Variants in RAB11FIP3 observed in about 807,000 individuals in gnomAD.
The protein encoded by RAB11FIP3 is RAB11 family interacting protein 3, also known as rab11 family-interacting protein 3.
RAB11FIP3 carries 17 observed loss-of-function variants against 77.8 expected under a neutral mutation model. That is an observed-to-expected ratio of 0.22 (90% confidence interval 0.15 to 0.33). The LOEUF is 0.33. Among genes scored for constraint, RAB11FIP3 ranks in the 10% least tolerant of loss-of-function variants. The probability of loss-of-function intolerance (pLI) is 1.00; values close to 1 mark genes in which losing one functional copy is unlikely to be tolerated. For synonymous variants in RAB11FIP3, 437 were observed against 448.2 expected (o/e 0.98, Z 0.31); for missense variants, 1,005 against 1,011.2 (o/e 0.99, Z 0.08).
At chr16:434,564 C>G (rs2055096549) in intron 1 of RAB11FIP3, among the ~76,000 whole-genome samples, 1 of 152,150 alleles carries the variant, frequency 6.6e-6, no homozygotes, top group East Asian at 1.9e-4. Flanking sequence ...GTAGCTGGGA[C>G]TACAGGTACG....
intron 5 of RAB11FIP3, 126 bp from the exon 6 acceptor site, chr16:496,698 C>T (rs2031165488): frequency 3.3e-6 from 3 of 898,442 alleles, no homozygotes; most frequent in Non-Finnish European, 1.8e-6. Context: ...CCTGGGGGGC[C>T]CTGCATGCCG....
intron 3 of RAB11FIP3, among the ~76,000 whole-genome samples, chr16:478,992 A>G (rs2055979189): frequency 6.6e-6 from 1 of 152,134 alleles, no homozygotes; most frequent in Non-Finnish European, 1.5e-5. Context: ...AGAAAAAGAA[A>G]AAAAAAGTTC....
Position 480,288 on chromosome 16 carries a change from A to AAAAAAAG in RAB11FIP3, c.904-2231_904-2230insGAAAAAA, listed in dbSNP as rs1365231254. Among the ~76,000 whole-genome samples, 1,181 of 140,426 alleles carry AAAAAAAG rather than the reference A, an allele frequency of 8.4e-3. 45 individuals are homozygous for AAAAAAAG. Among genetic ancestry groups the AAAAAAAG allele is most frequent in the African/African-American group, 0.034 (1,143 of 33,556 alleles). 92.1% of individuals were successfully genotyped at this position (140,426 alleles called of 152,430 possible). On this transcript the variant is annotated intron_variant, in intron 3 of 13. Transcript: ENST00000262305. ...CAGGAAGAGTAAAACTCCTTCTCCA[A>AAAAAAAG]AAAAAAAAAAAAAAAAAAGTTGAAT...
At chr16:477,603 C>G (rs1222476105) in intron 3 of RAB11FIP3, 1 of 985,370 alleles carries the variant, frequency 1.0e-6, no homozygotes, top group Non-Finnish European at 1.2e-6. Flanking sequence ...CAGCCCTGTC[C>G]TGAGTGGGCC....
chr16:511,350 C>T (rs1355855233), intron 9 of RAB11FIP3, among the ~76,000 whole-genome samples: 1 of 115,644 alleles, frequency 8.6e-6, no homozygotes, highest in South Asian at 3.2e-4. Context: ...AGGTTCCTGA[C>T]GGCCCGCCCA....
rs1404509211 is a variant in RAB11FIP3, at chr16:448,604, C to T, written c.715-12800C>T. Among the ~76,000 whole-genome samples the T allele has an allele frequency of 3.3e-5, 5 of 151,836 alleles. No individual in the cohort carries two copies. In the East Asian group the frequency reaches 5.9e-4, roughly 18 times the overall value. ...ACAAAATATTAGCCGGGCATGGTGGCGGGCGCCTGTAGTCCCAGCTACTCG... is the reference window on the plus strand; with the variant it reads ...ACAAAATATTAGCCGGGCATGGTGGTGGGCGCCTGTAGTCCCAGCTACTCG... On this transcript the variant is annotated intron_variant, in intron 1 of 13. Coordinates refer to ENST00000262305, the MANE Select transcript of RAB11FIP3 (RefSeq NM_014700.4).
At position 437,570 on chromosome 16, in the gene RAB11FIP3, C is replaced by CAAAAAAAAAAAAAAAAAAAAAAAAAAAA; in HGVS notation, c.714+10872_714+10873insAAAAAAAAAAAAAAAAAAAAAAAAAAAA. 3.4e-5 allele frequency among the ~76,000 whole-genome samples: 2 copies of CAAAAAAAAAAAAAAAAAAAAAAAAAAAA among 58,984 alleles called. 1 individual carries two copies. The allele number at this position is 58,984 out of a possible 152,430, so 38.7% of individuals were successfully genotyped here. A position where few individuals can be genotyped will look rare whatever the true frequency, so the allele number is the denominator to read the frequency against. The stretch of plus-strand genomic sequence containing the variant: ...GGACAACAAGGGTGAAACTCCATCT[C>CAAAAAAAAAAAAAAAAAAAAAAAAAAAA]AAAAAAAAAAAAAAAAAAAAAAGTC... On this transcript the variant is annotated intron_variant, in intron 1 of 13. Coordinates refer to ENST00000262305, the MANE Select transcript of RAB11FIP3 (RefSeq NM_014700.4).
At chr16:435,343 C>T (rs2055111229) in intron 1 of RAB11FIP3, among the ~76,000 whole-genome samples, 1 of 152,082 alleles carries the variant, frequency 6.6e-6, no homozygotes, top group South Asian at 2.1e-4. Context: ...CTTCCAAGCA[C>T]TTATTTTGTT....
At chr16:502,136 T>C (rs1049062131) in intron 6 of RAB11FIP3, among the ~76,000 whole-genome samples, 1 of 152,278 alleles carries the variant, frequency 6.6e-6, no homozygotes, top group Non-Finnish European at 1.5e-5. Context: ...ACCTTTGCTG[T>C]TGGCTCTTCT....
At chr16:427,191 C>T (rs951150815) in intron 1 of RAB11FIP3, among the ~76,000 whole-genome samples, 1 of 152,238 alleles carries the variant, frequency 6.6e-6, no homozygotes, top group African/African-American at 2.4e-5. Flanking sequence ...CTGATAGACA[C>T]CTATTTTGAG....
At chr16:504,973 C>A (rs2031795318) in intron 7 of RAB11FIP3, among the ~76,000 whole-genome samples, 1 of 134,874 alleles carries the variant, frequency 7.4e-6, no homozygotes, top group Admixed American at 7.7e-5. Flanking sequence ...CTGTACTTCA[C>A]CTCCTCTTGC....
intron 1 of RAB11FIP3, among the ~76,000 whole-genome samples, chr16:427,450 G>A (rs2054967704): frequency 1.3e-5 from 2 of 152,218 alleles, no homozygotes; most frequent in South Asian, 4.1e-4. Flanking sequence ...GTACAGTGTG[G>A]AAGGGGTCCA....
chr16:497,592 G>GAGAACGCCCGGCA, intron 6 of RAB11FIP3: 1 of 685,594 alleles, frequency 1.5e-6, no homozygotes, highest in Non-Finnish European at 2.0e-6. Flanking sequence ...GTTGTGCCGG[G>GAGAACGCCCGGCA]CGTTCTCCAG....
At chr16:492,751 GAAGA>G (rs2141814152) in intron 5 of RAB11FIP3, among the ~76,000 whole-genome samples, 1 of 152,276 alleles carries the variant, frequency 6.6e-6, no homozygotes, top group East Asian at 1.9e-4. Context: ...AAGTAAGCCT[GAAGA>G]CTCAGGTCTC....
intron 6 of RAB11FIP3, 94 bp downstream of exon 6, chr16:496,953 G>C (rs951480688): frequency 7.2e-7 from 1 of 1,379,406 alleles, no homozygotes; most frequent in Non-Finnish European, 1.0e-6. Flanking sequence ...CTTTTCCAAG[G>C]TATTTTTTAA....
At chr16:467,294 G>C (rs1369336793) in intron 2 of RAB11FIP3, among the ~76,000 whole-genome samples, 1 of 152,202 alleles carries the variant, frequency 6.6e-6, no homozygotes, top group Non-Finnish European at 1.5e-5. Context: ...TCTGTCTCCA[G>C]CTCCAGGCTC....
Position 471,305 on chromosome 16 carries a change from C to T in RAB11FIP3, c.819C>T (p.Gly273=), listed in dbSNP as rs776812723. 1.2e-6 allele frequency: 2 copies of T among 1,613,716 alleles called. No homozygotes were observed. Among genetic ancestry groups the T allele is most frequent in the South Asian group, 2.2e-5 (2 of 91,060 alleles). The part of the protein sequence containing the change: ...ITAIRNGDPD[G]QCYGGVASAQ... The stretch of plus-strand genomic sequence containing the variant: ...GTCTTCTCCCTGCAGATCCTGATGG[C>T]CAGTGCTACGGTGGTGTCGCTTCTG... The change falls in exon 3 of 14, where the codon GGC becomes GGT. Residue 273 remains glycine, a synonymous_variant. Coordinates refer to ENST00000262305, the MANE Select transcript of RAB11FIP3 (RefSeq NM_014700.4). This position sits in a 1 kb window ranked among gnomAD's most constrained non-coding sequence, Gnocchi z 4.4.
intron 1 of RAB11FIP3, among the ~76,000 whole-genome samples, chr16:438,340 T>C (rs890551348): frequency 6.6e-6 from 1 of 150,752 alleles, no homozygotes; most frequent in African/African-American, 2.4e-5. Context: ...ACTGTTGACC[T>C]AGTGATCTGC....
At chr16:520,437 A>C (rs1214401475) in intron 12 of RAB11FIP3, 22 bp from the exon 13 acceptor site, 2 of 1,612,590 alleles carry the variant, frequency 1.2e-6, no homozygotes, top group South Asian at 2.2e-5. Flanking sequence ...ACAGCCCAGT[A>C]GTGATGTTGC....
Sources: allele counts gnomAD v4.1 joint callset (sites outside exome capture counted in the v4.1 genomes callset), GRCh38; gene constraint gnomAD v4.1.1; non-coding constraint Gnocchi (gnomAD v3.1); transcripts MANE v1.5; gene names NCBI Gene and HGNC (gene_info 2026-07-23, HGNC 2026-07-21).